RIMS1: variants seen among roughly 807,000 people sequenced by gnomAD.
The protein encoded by RIMS1 is regulating synaptic membrane exocytosis protein 1.
Under a neutral mutation model 214.1 loss-of-function variants are expected in RIMS1, and 83 were observed. The observed-to-expected ratio is 0.39, with a 90% confidence interval of 0.32 to 0.47. The LOEUF (loss-of-function observed/expected upper bound fraction) is 0.47. Ranked by LOEUF, RIMS1 falls within the 20% of genes least tolerant of loss-of-function variation. RIMS1 has a pLI of 0.99. For missense variants in RIMS1, 2,050 were observed against 2,161.8 expected (o/e 0.95, Z 1.03); for synonymous variants, 793 against 786.8 (o/e 1.01, Z -0.13).
chr6:72,247,898 G>C (rs2070961289), intron 11 of RIMS1, 117 bp from the exon 12 acceptor site: 2 of 667,292 alleles, frequency 3.0e-6, no homozygotes, highest in East Asian at 5.5e-5. Flanking sequence ...ATTAAAAGTA[G>C]GTTCTGTTAT....
intron 2 of RIMS1, among the ~76,000 whole-genome samples, chr6:72,034,737 G>A (rs7767591): frequency 0.014 from 2,101 of 152,140 alleles, 63 homozygotes; most frequent in African/African-American, 0.048. Flanking sequence ...CACAGCTTCT[G>A]ATGTTAAGTG....
At chr6:71,959,175 A>C (rs1474263433) in intron 1 of RIMS1, among the ~76,000 whole-genome samples, 1 of 152,138 alleles carries the variant, frequency 6.6e-6, no homozygotes, top group Non-Finnish European at 1.5e-5. Context: ...AAGCCCAGGT[A>C]ATAACACATT....
chr6:72,313,464 G>T lies in RIMS1; in HGVS notation c.3964-42G>T, dbSNP rs1272326088. ...TCTCACCATCTATGTTTTTTCCATT[G>T]TCTAATGATGGAGCTCACACTTTCT... On this transcript the variant is annotated intron_variant, in intron 27 of 33. Coordinates refer to ENST00000521978, the MANE Select transcript of RIMS1 (RefSeq NM_014989.7). 1.9e-6 allele frequency: 3 copies of T among 1,578,864 alleles called. No homozygotes were observed. The South Asian group carries it at 3.4e-5, about 18-fold the overall frequency.
At position 72,307,347 on chromosome 6, in the gene RIMS1, C is replaced by G; in HGVS notation, c.3940C>G (p.Leu1314Val). The change falls in exon 27 of 34, where the codon CTT becomes GTT. Residue 1314 changes from leucine to valine, a missense_variant. By Grantham distance (32) the Leu-to-Val change is conservative. This residue lies in a region of RIMS1 where 889 missense variants were observed against 885.5 expected (regional missense o/e 1.00). Transcript: ENST00000521978. ...QTTGSGSSQE[L>V]DREQYSKYNI... Reference sequence around the variant, plus strand: ...AACAGGGTCTGGTTCTAGTCAAGAACTTGATCGCGAGCAATATTCCAAGGT... The same window carrying G: ...AACAGGGTCTGGTTCTAGTCAAGAAGTTGATCGCGAGCAATATTCCAAGGT... 1 of 1,600,544 alleles carries G rather than the reference C, an allele frequency of 6.2e-7. No homozygotes were observed. The highest frequency in any genetic ancestry group is 8.5e-7 in the Non-Finnish European group (1 of 1,173,334).
chr6:72,166,910 CTTTA>C (rs1024468019), intron 4 of RIMS1, among the ~76,000 whole-genome samples: 16 of 151,920 alleles, frequency 1.1e-4, no homozygotes, highest in Admixed American at 7.9e-4. Flanking sequence ...CCCTTTTAAT[CTTTA>C]TTTATTTTTA....
chr6:72,380,041 A>G (rs2098458512), intron 29 of RIMS1, among the ~76,000 whole-genome samples: 1 of 152,252 alleles, frequency 6.6e-6, no homozygotes, highest in Non-Finnish European at 1.5e-5. Context: ...AATATGGCAC[A>G]TATACACCAT....
chr6:72,261,091 T>G, intron 19 of RIMS1: 5 of 1,199,274 alleles, frequency 4.2e-6, no homozygotes, highest in Non-Finnish European at 5.3e-6. Context: ...CCCCCAACTT[T>G]CCCACACATA....
chr6:71,915,809 T>C (rs1778215785), intron 1 of RIMS1, among the ~76,000 whole-genome samples: 2 of 152,138 alleles, frequency 1.3e-5, no homozygotes, highest in Non-Finnish European at 2.9e-5. Context: ...AGAGGTTTGA[T>C]GGACTCACAA....
At chr6:71,986,013 T>A (rs1052860706) in intron 2 of RIMS1, among the ~76,000 whole-genome samples, 1 of 152,194 alleles carries the variant, frequency 6.6e-6, no homozygotes, top group Non-Finnish European at 1.5e-5. Context: ...ATTGCTAGAT[T>A]TAGCAAATAA....
chr6:72,029,123 G>T (rs575290678), intron 2 of RIMS1, among the ~76,000 whole-genome samples: 1 of 152,162 alleles, frequency 6.6e-6, no homozygotes, highest in African/African-American at 2.4e-5. Flanking sequence ...AGGAATTTTT[G>T]CTTTATTATT....
chr6:72,297,158 TA>T (rs1195471504), intron 26 of RIMS1, among the ~76,000 whole-genome samples: 1 of 151,926 alleles, frequency 6.6e-6, no homozygotes, highest in African/African-American at 2.4e-5. Context: ...ATATATTAAT[TA>T]AAAAATTAAA....
intron 4 of RIMS1, among the ~76,000 whole-genome samples, chr6:72,165,103 T>G (rs2046075470): frequency 6.6e-6 from 1 of 152,168 alleles, no homozygotes; most frequent in South Asian, 2.1e-4. Context: ...ATTAAATATT[T>G]TTTTCCATAT....
At chr6:72,314,145 G>A (rs1416841534) in intron 28 of RIMS1, among the ~76,000 whole-genome samples, 2 of 152,104 alleles carry the variant, frequency 1.3e-5, no homozygotes, top group Admixed American at 1.3e-4. Context: ...AGGCATTTGC[G>A]TCAATTTTGT....
rs559695849 is a variant in RIMS1 at position 72,132,398 on chromosome 6, C to T, written c.471+32412C>T. ...TCTGTTTGGGGTCCCTGACTTCCCA[C>T]AACAAGTTAATTCATAAAACATGTA... On this transcript the variant is annotated intron_variant, in intron 4 of 33. Transcript: ENST00000521978. Among the ~76,000 whole-genome samples the T allele has an allele frequency of 2.1e-3, 323 of 152,308 alleles. 3 individuals are homozygous for T. The highest frequency in any genetic ancestry group is 7.0e-3 in the African/African-American group (289 of 41,582).
At chr6:72,174,419 A>G (rs1287543783) in intron 4 of RIMS1, among the ~76,000 whole-genome samples, 1 of 152,206 alleles carries the variant, frequency 6.6e-6, no homozygotes, top group Admixed American at 6.5e-5. Context: ...TTTGCAAATT[A>G]TACAGAGAGC....
chr6:72,204,047 A>G (rs918539441), intron 6 of RIMS1, among the ~76,000 whole-genome samples: 2 of 152,226 alleles, frequency 1.3e-5, no homozygotes, highest in Admixed American at 1.3e-4. Context: ...ACAGAGTTAT[A>G]TGAATCCAGG....
intron 6 of RIMS1, among the ~76,000 whole-genome samples, chr6:72,209,100 A>G (rs1212943239): frequency 1.3e-5 from 2 of 152,240 alleles, no homozygotes; most frequent in Admixed American, 6.5e-5. Flanking sequence ...ACTCATATTC[A>G]TTTATATTAT....
At chr6:71,922,403 T>G (rs1353956246) in intron 1 of RIMS1, among the ~76,000 whole-genome samples, 1 of 152,200 alleles carries the variant, frequency 6.6e-6, no homozygotes, top group Non-Finnish European at 1.5e-5. Context: ...ATAAATGCAC[T>G]CATGCCATAT....
chr6:72,116,285 G>A (rs966306109), intron 4 of RIMS1, among the ~76,000 whole-genome samples: 2 of 151,944 alleles, frequency 1.3e-5, no homozygotes, highest in Admixed American at 6.6e-5. Flanking sequence ...TTGGTAACAA[G>A]AGTCATCAAG....
Sources: allele counts gnomAD v4.1 joint callset (sites outside exome capture counted in the v4.1 genomes callset), GRCh38; gene constraint gnomAD v4.1.1; regional missense constraint gnomAD v4.1.1; transcripts MANE v1.5; gene names NCBI Gene and HGNC (gene_info 2026-07-23, HGNC 2026-07-21).